Variants in INCENP observed in about 807,000 individuals in gnomAD.
The protein encoded by INCENP is binds and activates aurora-B and -C in vivo and in vitro.
INCENP carries 43 observed loss-of-function variants against 107.3 expected under a neutral mutation model. That is an observed-to-expected ratio of 0.40 (90% CI 0.31 to 0.52). INCENP has a LOEUF of 0.52. Among genes scored for constraint, INCENP ranks in the 20% least tolerant of loss-of-function variants. INCENP has a pLI of 0.53. For missense variants in INCENP, 1,089 were observed against 1,250.9 expected, an observed-to-expected ratio of 0.87 and a Z score of 1.95; for synonymous variants, 488 against 494.4, an observed-to-expected ratio of 0.99 and a Z score of 0.17.
chr11:62,134,364 G>C (rs1943947865), intron 4 of INCENP, among the ~76,000 whole-genome samples: 2 of 136,338 alleles, frequency 1.5e-5, no homozygotes, highest in African/African-American at 5.6e-5. Flanking sequence ...ACTGAGCTGA[G>C]ATTGTGCCAC....
chr11:62,134,828 G>A (rs1361719468), intron 4 of INCENP, among the ~76,000 whole-genome samples: 1 of 152,238 alleles, frequency 6.6e-6, no homozygotes, highest in Admixed American at 6.5e-5. Flanking sequence ...GAGGTGGGCA[G>A]ATCATGAGGT....
At chr11:62,139,061 G>A (rs944609361) in intron 7 of INCENP, 56 bp downstream of exon 7, 9 of 1,274,906 alleles carry the variant, frequency 7.1e-6, no homozygotes, top group Admixed American at 5.1e-5. Flanking sequence ...GGCCTTGGCG[G>A]CCTCGGCCTG....
intron 15 of INCENP, 71 bp downstream of exon 15, chr11:62,146,973 G>T: frequency 1.9e-6 from 3 of 1,573,436 alleles, no homozygotes; most frequent in Non-Finnish European, 2.6e-6. Context: ...ACCTTGCCTG[G>T]ACACAGCCCC....
At chr11:62,129,421 G>A (rs1033410029) in intron 3 of INCENP, among the ~76,000 whole-genome samples, 7 of 152,152 alleles carry the variant, frequency 4.6e-5, no homozygotes, top group Non-Finnish European at 1.0e-4. Context: ...CCTAAAATGG[G>A]GATAGTGGTC....
At chr11:62,147,594 T>G (rs897547709) in intron 15 of INCENP, among the ~76,000 whole-genome samples, 5 of 152,222 alleles carry the variant, frequency 3.3e-5, no homozygotes, top group African/African-American at 1.2e-4. Flanking sequence ...AAGGCCCGTG[T>G]GTGTGAGACA....
chr11:62,133,793 G>A (rs1358530594), intron 4 of INCENP, among the ~76,000 whole-genome samples: 1 of 152,130 alleles, frequency 6.6e-6, no homozygotes, highest in African/African-American at 2.4e-5. Flanking sequence ...ATGACTGTCA[G>A]CCCGGCGCTG....
chr11:62,130,551 A>G lies in INCENP; in HGVS notation c.1024A>G (p.Lys342Glu). The change falls in exon 4 of 19, where the codon AAG becomes GAG. Residue 342 changes from lysine (K) to glutamate (E), a missense_variant. By Grantham distance (56) the Lys-to-Glu change is moderately conservative (BLOSUM62 1). Coordinates refer to ENST00000394818, the MANE Select transcript of INCENP (RefSeq NM_001040694.2). ...CAGGGCGAGCAGAAGGCTTGCCAAG[A>G]AGACTGCCGAAGAGCCAGCTGCCTC... ...VRRASRRLAK[K>E]TAEEPAASGR... 6.2e-7 allele frequency: 1 copy of G among 1,613,638 alleles called. No homozygotes were observed. The highest frequency in any genetic ancestry group is 8.5e-7 in the Non-Finnish European group (1 of 1,179,898).
chr11:62,142,276 G>A (rs967515499), intron 11 of INCENP, among the ~76,000 whole-genome samples: 10 of 152,352 alleles, frequency 6.6e-5, no homozygotes, highest in East Asian at 1.9e-4. Context: ...TGAGGGCCTC[G>A]GCAGGTGAGA....
chr11:62,134,455 C>T (rs763490953), intron 4 of INCENP, among the ~76,000 whole-genome samples: 2 of 148,854 alleles, frequency 1.3e-5, no homozygotes, highest in Non-Finnish European at 3.0e-5. Flanking sequence ...TTGATCGTTA[C>T]TGTATTAAAA....
At chr11:62,144,656 A>G (rs1944197620) in intron 11 of INCENP, 2 of 607,478 alleles carry the variant, frequency 3.3e-6, no homozygotes, top group African/African-American at 1.8e-5. Context: ...TTCTTTTTCA[A>G]TGCACAGTTT....
At position 62,145,274 on chromosome 11, in the gene INCENP, CGAG is replaced by C; in HGVS notation, c.1822_1824del (p.Glu608del). ...TTGAGCAGAAGTTTGCTCAGATCGA[CGAG>C]AAGACTGAGAAGGTGGGAGCCTGGG... On this transcript the variant is annotated inframe_deletion, in exon 13 of 19. Coordinates refer to ENST00000394818, the MANE Select transcript of INCENP (RefSeq NM_001040694.2). The C allele has an allele frequency of 6.2e-7, 1 of 1,613,990 alleles. No homozygotes were observed.
At chr11:62,132,945 A>G (rs914078825) in intron 4 of INCENP, among the ~76,000 whole-genome samples, 12 of 152,200 alleles carry the variant, frequency 7.9e-5, no homozygotes, top group African/African-American at 2.9e-4. Context: ...ATGTGAATAG[A>G]TAACTCATCT....
intron 3 of INCENP, 125 bp from the exon 4 acceptor site, chr11:62,129,656 TG>T: frequency 1.3e-6 from 1 of 774,312 alleles, no homozygotes; most frequent in Non-Finnish European, 2.0e-6. Context: ...GAATCTGGCC[TG>T]GAACCCAGAT....
Position 62,140,743 on chromosome 11 carries a change from C to T in INCENP, c.1383C>T (p.Asp461=), listed in dbSNP as rs746596653. 20 of 1,601,038 alleles carry T rather than the reference C, an allele frequency of 1.2e-5. No homozygotes were observed. Among genetic ancestry groups the T allele is most frequent in the South Asian group, 1.1e-4 (10 of 89,482 alleles). ...RSYKQAVSEL[D]EEQHLEDEEL... ...ACAAGCAGGCCGTGAGTGAGCTGGA[C>T]GAGGAGCAGCACCTGGAGGATGAGG... The change falls in exon 9 of 19, where the codon GAC becomes GAT. Residue 461 remains aspartate (D), a synonymous_variant. Transcript: ENST00000394818.
At position 62,151,898 on chromosome 11, in the gene INCENP, C is replaced by T; in HGVS notation, c.2679C>T (p.Ser893=). 1 of 1,614,086 alleles carries T rather than the reference C, an allele frequency of 6.2e-7. No homozygotes were observed. Among genetic ancestry groups the T allele is most frequent in the Non-Finnish European group, 8.5e-7 (1 of 1,180,040 alleles). ...AGCCCCGCTATCACAAGCGCACCAGCTCTGCTGTCTGGAACTCACCGCCCC... is the reference window on the plus strand; with the variant it reads ...AGCCCCGCTATCACAAGCGCACCAGTTCTGCTGTCTGGAACTCACCGCCCC... The part of the protein sequence containing the change: ...KSKPRYHKRT[S]SAVWNSPPLQ... The change falls in exon 19 of 19, where the codon AGC becomes AGT. Residue 893 remains serine, a synonymous_variant. Transcript: ENST00000394818.
Position 62,146,777 on chromosome 11 carries a change from G to GGAGCAGGAGCAGCGC in INCENP, c.2089_2090insAGCGCGAGCAGGAGC (p.Glu696_Arg697insGlnArgGluGlnGlu), listed in dbSNP as rs1554980205. 361 of 1,537,644 alleles carry GGAGCAGGAGCAGCGC rather than the reference G, an allele frequency of 2.3e-4. No homozygotes were observed. The East Asian group carries it at 6.7e-3, about 29-fold the overall frequency. ...CAGAGCAGCGGGAGCAGGAGCGGCGGGAGCAGGAGCGGCGCGAGCAGGAGC... is the reference window on the plus strand; with the variant it reads ...CAGAGCAGCGGGAGCAGGAGCGGCGGGAGCAGGAGCAGCGCGAGCAGGAGCGGCGCGAGCAGGAGC... On this transcript the variant is annotated inframe_insertion, in exon 15 of 19. Transcript: ENST00000394818.
chr11:62,145,506 C>G, intron 13 of INCENP, 123 bp from the exon 14 acceptor site: 1 of 1,372,552 alleles, frequency 7.3e-7, no homozygotes, highest in Non-Finnish European at 9.8e-7. Context: ...TGTCCTCTCC[C>G]TGGGTGGTGG....
intron 11 of INCENP, 43 bp from the exon 12 acceptor site, chr11:62,144,939 G>T: frequency 1.3e-6 from 2 of 1,543,148 alleles, no homozygotes; most frequent in South Asian, 1.2e-5. Context: ...GTGGGGGGTC[G>T]TCCTTGCTCA....
chr11:62,129,567 T>TGGCATGATCCCC (rs1943833648), intron 3 of INCENP, among the ~76,000 whole-genome samples: 1 of 152,204 alleles, frequency 6.6e-6, no homozygotes, highest in South Asian at 2.1e-4. Flanking sequence ...GTGCGGACTG[T>TGGCATGATCCCC]GGCATGATCC....
Sources: gnomAD v4.1 joint callset for allele counts (sites outside exome capture counted in the v4.1 genomes callset) on GRCh38, gnomAD v4.1.1 for gene constraint, MANE v1.5 for transcripts, NCBI Gene and HGNC (gene_info 2026-07-23, HGNC 2026-07-21) for gene names.